Variants in HMGA2 observed in about 807,000 individuals in gnomAD.
HMGA2 encodes the protein high mobility group protein HMGI-C.
HMGA2 carries 8 observed loss-of-function variants against 19.1 expected under a neutral mutation model. The ratio of observed to expected loss-of-function variants is 0.42; its 90% CI spans 0.25 to 0.76. The LOEUF (loss-of-function observed/expected upper bound fraction) is 0.76. Among genes scored for constraint, HMGA2 ranks in the 30% least tolerant of loss-of-function variants. The probability of loss-of-function intolerance (pLI) is 0.28; values close to 1 mark genes in which losing one functional copy is unlikely to be tolerated. For synonymous variants in HMGA2, 60 were observed against 48.8 expected, an observed-to-expected ratio of 1.23 and a Z score of -0.96; for missense variants, 109 against 136.3, an observed-to-expected ratio of 0.80 and a Z score of 1.00.
Position 65,932,070 on chromosome 12 carries a change from C to T in HMGA2, c.250-19313C>T, listed in dbSNP as rs538849012. Among the ~76,000 whole-genome samples, 10 of 152,248 alleles carry T rather than the reference C, an allele frequency of 6.6e-5. No individual in the cohort carries two copies. In the South Asian group the frequency reaches 1.9e-3, roughly 28 times the overall value. On this transcript the variant is annotated intron_variant, in intron 3 of 4. Coordinates refer to ENST00000403681, the MANE Select transcript of HMGA2 (RefSeq NM_003483.6). ...CATTTTCATTCTAAGAAGTATAAAACAAGATAGTTATACTTCATGTAAGGT... is the reference window on the plus strand; with the variant it reads ...CATTTTCATTCTAAGAAGTATAAAATAAGATAGTTATACTTCATGTAAGGT...
In HMGA2 at chr12:65,879,719, G is replaced by A. The variant is rs77865459; in HGVS notation, c.249+41150G>A. The stretch of plus-strand genomic sequence containing the variant: ...AAAACAAAAACAGTAAACACTTTAG[G>A]TGAATGTTGTGTTAAATGTCTATAT... On this transcript the variant is annotated intron_variant, in intron 3 of 4. Coordinates refer to ENST00000403681, the MANE Select transcript of HMGA2 (RefSeq NM_003483.6). Among the ~76,000 whole-genome samples the A allele has an allele frequency of 6.1e-4, 93 of 152,094 alleles. 1 individual carries two copies. In the East Asian group the frequency reaches 0.015, roughly 25 times the overall value.
chr12:65,868,358 A>G (rs1047709594), intron 3 of HMGA2, among the ~76,000 whole-genome samples: 4 of 151,966 alleles, frequency 2.6e-5, no homozygotes, highest in Non-Finnish European at 4.4e-5. Context: ...CTTAGAGTTC[A>G]GAACATGTCA....
intron 3 of HMGA2, chr12:65,942,536 C>A (rs1404255152): frequency 2.0e-5 from 3 of 152,120 alleles, no homozygotes; most frequent in Non-Finnish European, 2.9e-5. Context: ...AATTTTCACT[C>A]CACTTTTTGA....
chr12:65,948,042 T>A (rs1201175827), intron 3 of HMGA2, among the ~76,000 whole-genome samples: 1 of 152,124 alleles, frequency 6.6e-6, no homozygotes, highest in African/African-American at 2.4e-5. Flanking sequence ...TATCAGGGAT[T>A]AAGAGAATCA....
intron 2 of HMGA2, among the ~76,000 whole-genome samples, chr12:65,837,216 C>T (rs1565702431): frequency 1.3e-5 from 2 of 152,148 alleles, no homozygotes; most frequent in African/African-American, 2.4e-5. Context: ...ATAGAGTTTG[C>T]GTTAATTCAT....
At chr12:65,826,029 G>T (rs962282244) in intron 1 of HMGA2, 1 of 152,478 alleles carries the variant, frequency 6.6e-6, no homozygotes, top group Non-Finnish European at 1.5e-5. Context: ...AGGGAGCCCG[G>T]GGCAGGGGCT....
chr12:65,945,344 T>C (rs1421957968), intron 3 of HMGA2, among the ~76,000 whole-genome samples: 1 of 152,030 alleles, frequency 6.6e-6, no homozygotes, highest in Non-Finnish European at 1.5e-5. Flanking sequence ...TAAAACTAAA[T>C]CCGGAGGGCC....
In HMGA2 at chr12:65,963,570, T is replaced by TAA. The variant is rs1404319159; in HGVS notation, c.*279_*280insAA. The TAA allele has an allele frequency of 2.1e-6, 1 of 473,540 alleles. No homozygotes were observed. Among genetic ancestry groups the TAA allele is most frequent in the Non-Finnish European group, 3.8e-6 (1 of 266,170 alleles). The allele number at this position is 473,540 out of a possible 1,614,324, so 29.3% of individuals were successfully genotyped here. ...ACAGCTTAACAATGCAACTTTTAAT[T>TAA]ACTGTTTTCTTTTTTCTTAACCTAC... On this transcript the variant is annotated 3_prime_UTR_variant, in exon 5 of 5. Transcript: ENST00000403681.
chr12:65,951,811 A>T (rs368678439), intron 4 of HMGA2: 1 of 172,936 alleles, frequency 5.8e-6, no homozygotes, highest in African/African-American at 2.4e-5. Flanking sequence ...GACTGGAAAC[A>T]TATTTCTTCA....
chr12:65,874,472 T>G (rs1872872904), intron 3 of HMGA2, among the ~76,000 whole-genome samples: 1 of 152,056 alleles, frequency 6.6e-6, no homozygotes, highest in South Asian at 2.1e-4. Flanking sequence ...AAAGCCTAGG[T>G]TTCCAGCAGG....
intron 2 of HMGA2, among the ~76,000 whole-genome samples, chr12:65,838,250 A>T (rs1366675385): frequency 6.6e-6 from 1 of 152,132 alleles, no homozygotes; most frequent in East Asian, 1.9e-4. Context: ...ATTTTCATGT[A>T]TTTCAGAAGA....
At chr12:65,837,576 T>A (rs140933528) in intron 2 of HMGA2, among the ~76,000 whole-genome samples, 97 of 152,332 alleles carry the variant, frequency 6.4e-4, no homozygotes, top group African/African-American at 2.2e-3. Flanking sequence ...GTACTAAGTT[T>A]TCTTTATCCT....
rs547360941 is a variant in HMGA2, at chr12:65,869,936, A to G, written c.249+31367A>G. Among the ~76,000 whole-genome samples, 133 of 152,308 alleles carry G rather than the reference A, an allele frequency of 8.7e-4. 1 individual carries two copies. Among genetic ancestry groups the G allele is most frequent in the African/African-American group, 2.8e-3 (118 of 41,566 alleles). On this transcript the variant is annotated intron_variant, in intron 3 of 4. Transcript: ENST00000403681. ...TCTGCTCCATGTGGCCAACCCAGTT[A>G]GAAAGGTTATAAAAAATCTTAACAG...
chr12:65,950,150 G>T (rs1396902709), intron 3 of HMGA2, among the ~76,000 whole-genome samples: 1 of 152,208 alleles, frequency 6.6e-6, no homozygotes, highest in Non-Finnish European at 1.5e-5. Flanking sequence ...CTGTCTGGCA[G>T]CTCCTCAAAA....
chr12:65,861,190 ACT>A (rs1257227832), intron 3 of HMGA2, among the ~76,000 whole-genome samples: 1 of 152,142 alleles, frequency 6.6e-6, no homozygotes, highest in Non-Finnish European at 1.5e-5. Flanking sequence ...ACATGGTGAA[ACT>A]CTGTCTCTAC....
intron 3 of HMGA2, among the ~76,000 whole-genome samples, chr12:65,923,359 C>T (rs79606249): frequency 2.9e-3 from 446 of 152,244 alleles, no homozygotes; most frequent in South Asian, 8.9e-3. Flanking sequence ...GTTCTGAAGA[C>T]TGGGGGTTAG....
intron 3 of HMGA2, among the ~76,000 whole-genome samples, chr12:65,879,621 T>C (rs545656884): frequency 6.6e-6 from 1 of 152,320 alleles, no homozygotes; most frequent in Non-Finnish European, 1.5e-5. Context: ...TTAATTTACA[T>C]CTTCATTTGC....
chr12:65,855,120 G>C (rs1387025457), intron 3 of HMGA2, among the ~76,000 whole-genome samples: 1 of 152,188 alleles, frequency 6.6e-6, no homozygotes, highest in Non-Finnish European at 1.5e-5. Flanking sequence ...GTACCTGCTT[G>C]CCCTTTGGGA....
chr12:65,959,538 G>A (rs1876692267), intron 4 of HMGA2, among the ~76,000 whole-genome samples: 1 of 152,158 alleles, frequency 6.6e-6, no homozygotes, highest in Admixed American at 6.5e-5. Flanking sequence ...ATGATGGCTG[G>A]GAGCTTTTCG....
Sources: gnomAD v4.1 joint callset for allele counts (sites outside exome capture counted in the v4.1 genomes callset) on GRCh38, gnomAD v4.1.1 for gene constraint, MANE v1.5 for transcripts, NCBI Gene and HGNC (gene_info 2026-07-23, HGNC 2026-07-21) for gene names.